URB2: variants seen among roughly 807,000 people sequenced by gnomAD.
URB2 encodes the protein URB2 ribosome biogenesis homolog.
Under a neutral mutation model 120.9 loss-of-function variants are expected in URB2, and 86 were observed. The observed-to-expected ratio is 0.71, with a 90% CI of 0.60 to 0.85. The LOEUF is 0.85. Ranked by LOEUF, URB2 falls within the 40% of genes least tolerant of loss-of-function variation. The pLI, the probability that URB2 is intolerant of heterozygous loss-of-function variation, is 0.00. For synonymous variants in URB2, 755 were observed against 758.4 expected (o/e 1.00, Z 0.07); for missense variants, 1,765 against 1,836.5 (o/e 0.96, Z 0.71).
At chr1:229,639,336 CTTTTTTT>C (rs200235230) in intron 4 of URB2, among the ~76,000 whole-genome samples, 1 of 135,112 alleles carries the variant, frequency 7.4e-6, no homozygotes, top group African/African-American at 2.8e-5. Flanking sequence ...CACTTAATTT[CTTTTTTT>C]TTTTTTTTTG....
At position 229,632,308 on chromosome 1, in the gene URB2, T is replaced by C; in HGVS notation, c.166T>C (p.Tyr56His). Residue 56 changes from tyrosine to histidine, a missense_variant, in exon 3 of 10, where the codon TAT becomes CAT. Tyr to His is a moderately conservative substitution (Grantham distance 83). Coordinates refer to ENST00000258243, the MANE Select transcript of URB2 (RefSeq NM_014777.4). Reference protein sequence around the residue: ...DWARQSLVAFYKKKLELKEDI... With the variant: ...DWARQSLVAFHKKKLELKEDI... ...GGCAAGACAATCATTGGTTGCATTT[T>C]ATAAGAAAAAGCTTGAACTGAAGGA... is the stretch of plus-strand genomic sequence containing the variant. 6.3e-7 allele frequency: 1 copy of C among 1,586,056 alleles called. No homozygotes were observed. Among genetic ancestry groups the C allele is most frequent in the South Asian group, 1.2e-5 (1 of 83,940 alleles).
chr1:229,638,667 A>G (rs1665921338), intron 4 of URB2, among the ~76,000 whole-genome samples: 7 of 151,610 alleles, frequency 4.6e-5, no homozygotes, highest in Admixed American at 4.6e-4. Flanking sequence ...AAAGTACTAC[A>G]TGTGGACAGT....
chr1:229,654,900 C>T (rs112158135), intron 9 of URB2, among the ~76,000 whole-genome samples: 1,644 of 152,282 alleles, frequency 0.011, 29 homozygotes, highest in African/African-American at 0.037. Flanking sequence ...GCACAAACTT[C>T]GGGGTCTATT....
intron 4 of URB2, among the ~76,000 whole-genome samples, chr1:229,639,495 C>T (rs1006103985): frequency 1.3e-5 from 2 of 152,008 alleles, no homozygotes; most frequent in Non-Finnish European, 2.9e-5. Context: ...CCACCACGCC[C>T]GGCTAATTTT....
In URB2 at chr1:229,637,573, T is replaced by C. The variant is rs1427128517; in HGVS notation, c.2960T>C (p.Ile987Thr). 2 of 1,614,124 alleles carry C rather than the reference T, an allele frequency of 1.2e-6. No individual in the cohort carries two copies. The highest frequency in any genetic ancestry group is 1.7e-5 in the Admixed American group (1 of 60,016). The change falls in exon 4 of 10, where the codon ATT (isoleucine) becomes ACT (threonine). Residue 987 changes from isoleucine to threonine, a missense_variant. Ile to Thr is a moderately conservative substitution (Grantham distance 89, BLOSUM62 -1). Coordinates refer to ENST00000258243, the MANE Select transcript of URB2 (RefSeq NM_014777.4). ...SLFRASSRFL[I>T]EMDDPAWLEF... is the part of the protein sequence containing the mutation. Reference sequence around the variant, plus strand: ...TTCAGAGCTAGTAGTAGGTTCCTTATTGAGATGGATGATCCCGCTTGGCTG... The same window carrying C: ...TTCAGAGCTAGTAGTAGGTTCCTTACTGAGATGGATGATCCCGCTTGGCTG...
chr1:229,633,912 A>G (rs1161940967), intron 3 of URB2, among the ~76,000 whole-genome samples: 1 of 151,952 alleles, frequency 6.6e-6, no homozygotes, highest in Admixed American at 6.6e-5. Context: ...GCTCACTGGA[A>G]CCTCTGCCTC....
intron 4 of URB2, 43 bp from the exon 5 acceptor site, chr1:229,643,490 T>G: frequency 6.2e-7 from 1 of 1,611,586 alleles, no homozygotes; most frequent in Non-Finnish European, 8.5e-7. Context: ...GTAGTTTATT[T>G]CACCTGTCAC....
At chr1:229,640,990 T>C (rs1558167512) in intron 4 of URB2, among the ~76,000 whole-genome samples, 4 of 150,322 alleles carry the variant, frequency 2.7e-5, no homozygotes, top group Non-Finnish European at 5.9e-5. Flanking sequence ...TCTTCAACCC[T>C]ACTGAGTTGA....
intron 3 of URB2, among the ~76,000 whole-genome samples, chr1:229,634,212 T>C (rs377762061): frequency 4.8e-4 from 72 of 151,348 alleles, no homozygotes; most frequent in African/African-American, 1.7e-3. Context: ...CATGCATTTT[T>C]TTTTCTTTTT....
chr1:229,641,912 A>G (rs946449577), intron 4 of URB2, among the ~76,000 whole-genome samples: 2 of 152,136 alleles, frequency 1.3e-5, no homozygotes, highest in African/African-American at 4.8e-5. Flanking sequence ...CCGAAGGCTG[A>G]GGCGAGAGGA....
Position 229,659,498 on chromosome 1 carries a change from CAGTA to C in URB2, c.*206_*209del. The C allele has an allele frequency of 2.0e-6, 1 of 507,664 alleles. No homozygotes were observed. Among genetic ancestry groups the C allele is most frequent in the Non-Finnish European group, 3.4e-6 (1 of 296,406 alleles). 31.4% of individuals were successfully genotyped at this position (507,664 alleles called of 1,614,324 possible). On this transcript the variant is annotated 3_prime_UTR_variant, in exon 10 of 10. Transcript: ENST00000258243. Reference sequence around the variant, plus strand: ...CTATTTTTTAATACATAGTTTTATGCAGTAAGTATTGCAATAGAATCCTGAAAAT... The same window carrying C: ...CTATTTTTTAATACATAGTTTTATGCAGTATTGCAATAGAATCCTGAAAAT...
At position 229,637,579 on chromosome 1, in the gene URB2, T is replaced by C; in HGVS notation, c.2966T>C (p.Met989Thr). Residue 989 changes from methionine to threonine, a missense_variant, in exon 4 of 10, where the codon ATG becomes ACG. Coordinates refer to ENST00000258243, the MANE Select transcript of URB2 (RefSeq NM_014777.4). ...FRASSRFLIE[M>T]DDPAWLEFLQ... is the part of the protein sequence containing the mutation. ...GCTAGTAGTAGGTTCCTTATTGAGA[T>C]GGATGATCCCGCTTGGCTGGAATTC... 1 of 1,614,228 alleles carries C rather than the reference T, an allele frequency of 6.2e-7. No individual in the cohort carries two copies. Among genetic ancestry groups the C allele is most frequent in the South Asian group, 1.1e-5 (1 of 91,084 alleles).
At chr1:229,643,731 A>G in intron 5 of URB2, 38 bp downstream of exon 5, 1 of 1,595,266 alleles carries the variant, frequency 6.3e-7, no homozygotes, top group Non-Finnish European at 8.5e-7. Flanking sequence ...CAGGCTCAGA[A>G]ACCACGTCGG....
intron 2 of URB2, among the ~76,000 whole-genome samples, chr1:229,631,677 G>A (rs757653093): frequency 1.3e-5 from 2 of 152,236 alleles, no homozygotes; most frequent in Non-Finnish European, 2.9e-5. Context: ...TGGTGGAGCA[G>A]TCAGGATGCA....
chr1:229,654,858 A>G (rs1050550412), intron 9 of URB2, among the ~76,000 whole-genome samples: 3 of 152,244 alleles, frequency 2.0e-5, no homozygotes, highest in African/African-American at 7.2e-5. Flanking sequence ...TGCCTTGTAC[A>G]CAGAAAATGC....
chr1:229,648,872 A>G (rs759787555), intron 7 of URB2, among the ~76,000 whole-genome samples: 1 of 152,216 alleles, frequency 6.6e-6, no homozygotes, highest in Non-Finnish European at 1.5e-5. Context: ...AACACCATAG[A>G]TCGTATAATA....
intron 9 of URB2, 62 bp from the exon 10 acceptor site, chr1:229,659,038 C>T: frequency 1.3e-6 from 2 of 1,532,688 alleles, no homozygotes; most frequent in South Asian, 1.2e-5. Context: ...GCATTGTTGG[C>T]AGGTGGTGCG....
rs528007959 is a variant in URB2, at chr1:229,632,866, T to C, written c.303+421T>C. Among the ~76,000 whole-genome samples, 4 of 150,438 alleles carry C rather than the reference T, an allele frequency of 2.7e-5. No individual in the cohort carries two copies. The South Asian group carries it at 8.4e-4, about 31-fold the overall frequency. On this transcript the variant is annotated intron_variant, in intron 3 of 9. Coordinates refer to ENST00000258243, the MANE Select transcript of URB2 (RefSeq NM_014777.4). ...GCCTTCGAGCCACAAGTGCCACTAG[T>C]GGCTTGGCCGGCAACCCGGGGCCAC... is the stretch of plus-strand genomic sequence containing the variant.
intron 8 of URB2, among the ~76,000 whole-genome samples, chr1:229,652,785 A>G (rs760985178): frequency 6.6e-6 from 1 of 152,244 alleles, no homozygotes; most frequent in African/African-American, 2.4e-5. Flanking sequence ...CTTGCTCAGC[A>G]GTGGTGGAGC....
Sources: gnomAD v4.1 joint callset for allele counts (sites outside exome capture counted in the v4.1 genomes callset) on GRCh38, gnomAD v4.1.1 for gene constraint, MANE v1.5 for transcripts, NCBI Gene and HGNC (gene_info 2026-07-23, HGNC 2026-07-21) for gene names.